Variants in TRAPPC10 observed in about 807,000 individuals in gnomAD.
TRAPPC10 encodes TRAPP 130 kDa subunit.
A neutral mutation model predicts 125.5 loss-of-function variants in TRAPPC10; 23 were observed. The ratio of observed to expected loss-of-function variants is 0.18; its 90% CI spans 0.13 to 0.26. The LOEUF (loss-of-function observed/expected upper bound fraction) is 0.26, where lower values mean the gene tolerates loss of function less well. TRAPPC10 is among the 10% of genes least tolerant of loss of function. The probability of loss-of-function intolerance (pLI) is 1.00; values close to 1 mark genes in which losing one functional copy is unlikely to be tolerated. For synonymous variants in TRAPPC10, 509 were observed against 518.0 expected (o/e 0.98, Z 0.24); for missense variants, 1,123 against 1,308.4 (o/e 0.86, Z 2.19).
chr21:44,045,230 G>A (rs1026881519), intron 3 of TRAPPC10, among the ~76,000 whole-genome samples: 3 of 152,158 alleles, frequency 2.0e-5, no homozygotes, highest in Non-Finnish European at 4.4e-5. Context: ...ACCGTGCCCA[G>A]CCTTTGTTGC....
chr21:44,077,924 T>G (rs1188620821), intron 11 of TRAPPC10, 140 bp downstream of exon 11: 1 of 511,100 alleles, frequency 2.0e-6, no homozygotes, highest in East Asian at 3.5e-5. Context: ...CTCATAATTT[T>G]TTTTTCAGTT....
At chr21:44,053,934 T>C (rs910842320) in intron 4 of TRAPPC10, among the ~76,000 whole-genome samples, 7 of 150,174 alleles carry the variant, frequency 4.7e-5, no homozygotes, top group African/African-American at 1.7e-4. Flanking sequence ...GATGATGATA[T>C]AGAAACAGGA....
rs192844053 is a variant in TRAPPC10, at chr21:44,023,514, G to A, written c.68-8577G>A. The stretch of plus-strand genomic sequence containing the variant: ...GCAGGTTGTTCTCCCTTTGGCCAGG[G>A]AGAGTCTCTTTCATGTTGGGGTCTA... On this transcript the variant is annotated intron_variant, in intron 1 of 22. Transcript: ENST00000291574. Among the ~76,000 whole-genome samples, 56 of 152,250 alleles carry A rather than the reference G, an allele frequency of 3.7e-4. 1 individual carries two copies. In the Middle Eastern group the frequency reaches 0.02, roughly 55 times the overall value.
At chr21:44,064,301 ATATGTGTGTG>A (rs2036268814) in intron 7 of TRAPPC10, among the ~76,000 whole-genome samples, 1 of 138,642 alleles carries the variant, frequency 7.2e-6, no homozygotes, top group Non-Finnish European at 1.5e-5. Context: ...TATGTCATAA[ATATGTGTGTG>A]TGTGTGTGTG....
chr21:44,077,004 C>T (rs974981566), intron 10 of TRAPPC10, among the ~76,000 whole-genome samples: 7 of 152,164 alleles, frequency 4.6e-5, no homozygotes, highest in African/African-American at 9.7e-5. Context: ...CTTTAAAAAA[C>T]GGCGTAGGCA....
chr21:44,041,237 G>T (rs1357617071), intron 3 of TRAPPC10, among the ~76,000 whole-genome samples: 1 of 152,136 alleles, frequency 6.6e-6, no homozygotes, highest in African/African-American at 2.4e-5. Flanking sequence ...GCTGGGCCAG[G>T]TACTTTTTTG....
chr21:44,078,627 C>T, intron 11 of TRAPPC10, among the ~76,000 whole-genome samples: 1 of 152,136 alleles, frequency 6.6e-6, no homozygotes, highest in Admixed American at 6.5e-5. Flanking sequence ...GCCGATTACC[C>T]ACTGGTTAAC....
chr21:44,028,667 A>G (rs1259241138), intron 1 of TRAPPC10, among the ~76,000 whole-genome samples: 1 of 152,182 alleles, frequency 6.6e-6, no homozygotes, highest in Non-Finnish European at 1.5e-5. Context: ...AATTATTTTG[A>G]TAGATCTCCT....
chr21:44,059,848 G>A lies in TRAPPC10; in HGVS notation c.790+634G>A. The A allele has an allele frequency of 3.8e-6, 1 of 260,394 alleles. No homozygotes were observed. 16.1% of individuals were successfully genotyped at this position (260,394 alleles called of 1,614,324 possible). ...GCATCTCTCCAGGTTAGCAGGTGGGGTTTGGAGTTGTTTTTGTTACAATTG... is the reference window on the plus strand; with the variant it reads ...GCATCTCTCCAGGTTAGCAGGTGGGATTTGGAGTTGTTTTTGTTACAATTG... On this transcript the variant is annotated intron_variant, in intron 6 of 22. Transcript: ENST00000291574. The surrounding 1 kb of genome is among the most constrained non-coding windows in gnomAD (Gnocchi z 4.4).
chr21:44,077,661 A>G (rs745759026), intron 10 of TRAPPC10, 32 bp from the exon 11 acceptor site: 2 of 1,467,572 alleles, frequency 1.4e-6, no homozygotes, highest in Non-Finnish European at 9.5e-7. Context: ...TTAAAAGTTC[A>G]AGTACATAAT....
chr21:44,095,128 C>T (rs1045986851), intron 20 of TRAPPC10, among the ~76,000 whole-genome samples: 1 of 150,972 alleles, frequency 6.6e-6, no homozygotes, highest in Non-Finnish European at 1.5e-5. Flanking sequence ...TAGCTCACTG[C>T]AGCCTGGACC....
intron 1 of TRAPPC10, among the ~76,000 whole-genome samples, chr21:44,030,742 A>G (rs2033508142): frequency 6.6e-6 from 1 of 152,192 alleles, no homozygotes; most frequent in South Asian, 2.1e-4. Flanking sequence ...TGCTGGGATT[A>G]CAGGTGTGAG....
At chr21:44,050,234 G>T (rs974631014) in intron 3 of TRAPPC10, among the ~76,000 whole-genome samples, 1 of 152,040 alleles carries the variant, frequency 6.6e-6, no homozygotes, top group African/African-American at 2.4e-5. Context: ...TTTGCCCCAG[G>T]ATTATGTGGA....
intron 12 of TRAPPC10, 25 bp downstream of exon 12, chr21:44,079,729 C>T (rs753631529): frequency 3.8e-6 from 6 of 1,593,402 alleles, no homozygotes; most frequent in Non-Finnish European, 5.1e-6. Flanking sequence ...TTTCATGAAG[C>T]AGGAAAATTA....
In TRAPPC10 at chr21:44,049,933, G is replaced by A. The variant is rs150166605; in HGVS notation, c.286-2347G>A. Among the ~76,000 whole-genome samples, 586 of 151,218 alleles carry A rather than the reference G, an allele frequency of 3.9e-3. 6 individuals are homozygous for A. The highest frequency in any genetic ancestry group is 0.014 in the African/African-American group (561 of 40,980). Reference sequence around the variant, plus strand: ...CTCACTCTGTTGCCCAGGATGGAATGCAGTGGCATGATCTCGGCTCACTGC... The same window carrying A: ...CTCACTCTGTTGCCCAGGATGGAATACAGTGGCATGATCTCGGCTCACTGC... On this transcript the variant is annotated intron_variant, in intron 3 of 22. Coordinates refer to ENST00000291574, the MANE Select transcript of TRAPPC10 (RefSeq NM_003274.5).
intron 17 of TRAPPC10, chr21:44,088,565 A>C (rs1282753513): frequency 1.3e-5 from 2 of 155,686 alleles, no homozygotes; most frequent in Admixed American, 1.3e-4. Context: ...CAAAGCACGG[A>C]GTCACCAGAC....
intron 1 of TRAPPC10, among the ~76,000 whole-genome samples, chr21:44,030,707 A>G (rs2033503427): frequency 6.6e-6 from 1 of 152,132 alleles, no homozygotes; most frequent in Non-Finnish European, 1.5e-5. Context: ...ACCTCAGGTG[A>G]TCTGCCCACC....
At chr21:44,064,301 A>ATG (rs1491170973) in intron 7 of TRAPPC10, among the ~76,000 whole-genome samples, 6 of 138,640 alleles carry the variant, frequency 4.3e-5, no homozygotes, top group African/African-American at 1.2e-4. Flanking sequence ...TATGTCATAA[A>ATG]TATGTGTGTG....
intron 13 of TRAPPC10, among the ~76,000 whole-genome samples, chr21:44,081,005 C>CTTTTTT (rs71326026): frequency 2.9e-5 from 3 of 103,864 alleles, no homozygotes; most frequent in African/African-American, 6.3e-5. Context: ...TATTATTGTT[C>CTTTTTT]TTTTTTTTTT....
Sources: gnomAD v4.1 joint callset for allele counts (sites outside exome capture counted in the v4.1 genomes callset) on GRCh38, gnomAD v4.1.1 for gene constraint, Gnocchi (gnomAD v3.1) non-coding constraint, MANE v1.5 for transcripts, NCBI Gene and HGNC (gene_info 2026-07-23, HGNC 2026-07-21) for gene names.